The following ERC1 variants were observed in gnomAD, a reference collection of about 807,000 sequenced individuals.
ERC1 encodes the protein ELKS/RAB6-interacting/CAST family member 1, also known as RAB6 interacting protein 2.
In ERC1, 56 loss-of-function variants were observed where a neutral mutation model predicts 132.0. The observed-to-expected ratio is 0.42, with a 90% CI of 0.34 to 0.53. The LOEUF is 0.53. Ranked by LOEUF, ERC1 falls within the 20% of genes least tolerant of loss-of-function variation. ERC1 has a pLI of 0.03. For missense variants in ERC1, 1,202 were observed against 1,349.9 expected, an observed-to-expected ratio of 0.89 and a Z score of 1.72; for synonymous variants, 478 against 476.1, an observed-to-expected ratio of 1.00 and a Z score of -0.05.
At chr12:1,372,135 G>A (rs532883743) in intron 16 of ERC1, among the ~76,000 whole-genome samples, 158 bp downstream of exon 16, 14 of 152,226 alleles carry the variant, frequency 9.2e-5, no homozygotes, top group African/African-American at 2.6e-4. Flanking sequence ...TTTTATCTCC[G>A]CAAATCTGTG....
At chr12:1,094,613 A>G (rs890904496) in intron 3 of ERC1, among the ~76,000 whole-genome samples, 1 of 151,624 alleles carries the variant, frequency 6.6e-6, no homozygotes, top group Non-Finnish European at 1.5e-5. Flanking sequence ...GTTTCACTGT[A>G]TTGGTCAGGC....
intron 13 of ERC1, 51 bp from the exon 14 acceptor site, chr12:1,262,983 C>G: frequency 6.3e-7 from 1 of 1,596,590 alleles, no homozygotes; most frequent in Non-Finnish European, 8.6e-7. Context: ...AATAGGCTCT[C>G]CCTGGGTTAA....
chr12:1,400,916 A>ATTATTATTTTTTTTT (rs2090981093), intron 16 of ERC1, among the ~76,000 whole-genome samples: 1 of 15,040 alleles, frequency 6.6e-5, no homozygotes, highest in African/African-American at 3.1e-4. Context: ...CTATTTTTGT[A>ATTATTATTTTTTTTT]TTTTTTTTTT....
chr12:1,068,922 C>T (rs1047472249), intron 2 of ERC1, among the ~76,000 whole-genome samples: 1 of 152,076 alleles, frequency 6.6e-6, no homozygotes, highest in Non-Finnish European at 1.5e-5. Context: ...CAGTAAGTGG[C>T]ACATTAAGAC....
chr12:1,010,317 C>T (rs1964468977), intron 1 of ERC1, among the ~76,000 whole-genome samples: 1 of 151,618 alleles, frequency 6.6e-6, no homozygotes, highest in South Asian at 2.1e-4. Context: ...CTCATCTCTA[C>T]TAAAAATACA....
At chr12:1,331,174 C>T (rs1469666761) in intron 15 of ERC1, among the ~76,000 whole-genome samples, 1 of 152,158 alleles carries the variant, frequency 6.6e-6, no homozygotes, top group Non-Finnish European at 1.5e-5. Context: ...GTGAGTAACA[C>T]CTCCCTTGAG....
intron 18 of ERC1, among the ~76,000 whole-genome samples, chr12:1,487,347 C>T (rs1305532616): frequency 7.0e-6 from 1 of 143,174 alleles, no homozygotes; most frequent in East Asian, 2.0e-4. Flanking sequence ...TTTTCTTGCC[C>T]TGTCTTATGG....
At chr12:1,383,481 T>A (rs1315053512) in intron 16 of ERC1, among the ~76,000 whole-genome samples, 1 of 152,114 alleles carries the variant, frequency 6.6e-6, no homozygotes, top group Non-Finnish European at 1.5e-5. Flanking sequence ...AAAGCAAATG[T>A]GAATTAGACA....
At chr12:1,145,771 G>A (rs1274858056) in intron 8 of ERC1, among the ~76,000 whole-genome samples, 4 of 152,044 alleles carry the variant, frequency 2.6e-5, no homozygotes, top group Non-Finnish European at 4.4e-5. Flanking sequence ...ATGAAGATCC[G>A]GTTTCATTTT....
chr12:1,302,736 AAGGTGGATTGCTTGAGCCCAGGAGTTC>A (rs2080500502), intron 15 of ERC1, among the ~76,000 whole-genome samples: 2 of 152,030 alleles, frequency 1.3e-5, no homozygotes, highest in South Asian at 4.2e-4. Context: ...GGGGCCATGG[AAGGTGGATTGCTTGAGCCCAGGAGTTC>A]AGGACCAGCC....
intron 1 of ERC1, among the ~76,000 whole-genome samples, chr12:1,018,710 G>A (rs891087005): frequency 6.6e-6 from 1 of 152,208 alleles, no homozygotes; most frequent in Non-Finnish European, 1.5e-5. Context: ...TAGGTTAATT[G>A]TGGCGTTGGC....
chr12:1,315,632 T>G (rs1388132594), intron 15 of ERC1, among the ~76,000 whole-genome samples: 3 of 152,078 alleles, frequency 2.0e-5, no homozygotes, highest in Non-Finnish European at 4.4e-5. Flanking sequence ...CTACAGGATT[T>G]TAAAACATGA....
At chr12:1,349,198 CAG>C (rs2084765715) in intron 15 of ERC1, among the ~76,000 whole-genome samples, 1 of 152,192 alleles carries the variant, frequency 6.6e-6, no homozygotes, top group South Asian at 2.1e-4. Context: ...GTGTTTATAA[CAG>C]AGTCCCAACA....
chr12:1,144,203 A>G (rs182207019), intron 8 of ERC1, among the ~76,000 whole-genome samples: 2 of 152,352 alleles, frequency 1.3e-5, no homozygotes, highest in Non-Finnish European at 2.9e-5. Context: ...TGATAGCTAC[A>G]TTAAGAAAGT....
chr12:1,276,786 T>C (rs1341092738), intron 14 of ERC1, among the ~76,000 whole-genome samples: 1 of 152,214 alleles, frequency 6.6e-6, no homozygotes, highest in Non-Finnish European at 1.5e-5. Flanking sequence ...AGCGAATAAA[T>C]GAAATTTTGT....
At chr12:1,355,598 A>G (rs753374455) in intron 15 of ERC1, among the ~76,000 whole-genome samples, 33 of 152,210 alleles carry the variant, frequency 2.2e-4, no homozygotes, top group Non-Finnish European at 4.0e-4. Context: ...CTTTTGAGAA[A>G]TACTGACCTA....
chr12:1,343,697 A>G (rs1249846956), intron 15 of ERC1, among the ~76,000 whole-genome samples: 1 of 152,082 alleles, frequency 6.6e-6, no homozygotes, highest in East Asian at 1.9e-4. Context: ...ATGCTTTTTC[A>G]TTCTTCATAT....
At chr12:1,101,743 C>T (rs1319440632) in intron 3 of ERC1, among the ~76,000 whole-genome samples, 3 of 151,988 alleles carry the variant, frequency 2.0e-5, no homozygotes, top group South Asian at 2.1e-4. Flanking sequence ...TGCCACGGTG[C>T]GAGATAAATA....
intron 2 of ERC1, among the ~76,000 whole-genome samples, chr12:1,081,242 A>G (rs1303882485): frequency 6.6e-6 from 1 of 152,204 alleles, no homozygotes; most frequent in Non-Finnish European, 1.5e-5. Flanking sequence ...AACCATTCAG[A>G]TTAAAGGTTC....
Sources: allele counts gnomAD v4.1 joint callset (sites outside exome capture counted in the v4.1 genomes callset), GRCh38; gene constraint gnomAD v4.1.1; transcripts MANE v1.5; gene names NCBI Gene and HGNC (gene_info 2026-07-23, HGNC 2026-07-21).